The following TDRD12 variants were observed in gnomAD, a reference collection of about 807,000 sequenced individuals.
TDRD12 encodes the protein putative ATP-dependent RNA helicase TDRD12.
TDRD12 carries 158 observed loss-of-function variants against 133.5 expected under a neutral mutation model. The ratio of observed to expected loss-of-function variants is 1.18; its 90% CI spans 1.04 to 1.35. TDRD12 has a LOEUF of 1.35. TDRD12 is among the 40% of genes most tolerant of loss of function. TDRD12 has a pLI of 0.00. For synonymous variants in TDRD12, 460 were observed against 477.9 expected (o/e 0.96, Z 0.49); for missense variants, 1,443 against 1,321.3 (o/e 1.09, Z -1.43).
At chr19:32,727,599 T>C (rs1332273148) in intron 1 of TDRD12, among the ~76,000 whole-genome samples, 1 of 152,210 alleles carries the variant, frequency 6.6e-6, no homozygotes, top group Non-Finnish European at 1.5e-5. Flanking sequence ...AGGCCTTCCA[T>C]TTAGGTCTTT....
chr19:32,760,887 T>G (rs973518314), intron 8 of TDRD12, among the ~76,000 whole-genome samples: 1 of 152,212 alleles, frequency 6.6e-6, no homozygotes, highest in African/African-American at 2.4e-5. Context: ...CAAAGAACTT[T>G]TTTCCCAAAC....
In TDRD12 at chr19:32,826,710, C is replaced by G. The variant is rs1030482429; in HGVS notation, c.1049+112C>G. On this transcript the variant is annotated intron_variant, in intron 9 of 9. Transcript: ENST00000637289. ...CCCCAACGTGGCTTTTGATTTTGAT[C>G]ACTGGGAAGACTGTGAAGAGGACAG... 2.8e-5 allele frequency: 35 copies of G among 1,232,350 alleles called. No individual in the cohort carries two copies. The African/African-American group carries it at 3.7e-4, about 13-fold the overall frequency. The allele number at this position is 1,232,350 out of a possible 1,614,324, so 76.3% of individuals were successfully genotyped here. A position where few individuals can be genotyped will look rare whatever the true frequency, so the allele number is the denominator to read the frequency against.
rs571010526 is a variant in TDRD12 at position 32,803,600 on chromosome 19, C to T, written c.2552+458C>T. Reference sequence around the variant, plus strand: ...GCCATGTCTTTTGTGGAAATGTGTACGCATTTCTCTTGGGTAGACGCTCCA... The same window carrying T: ...GCCATGTCTTTTGTGGAAATGTGTATGCATTTCTCTTGGGTAGACGCTCCA... On this transcript the variant is annotated intron_variant, in intron 21 of 27. Coordinates refer to ENST00000444215, the Ensembl canonical transcript of TDRD12. Among the ~76,000 whole-genome samples the T allele has an allele frequency of 1.3e-4, 20 of 152,202 alleles. No homozygotes were observed. In the South Asian group the frequency reaches 1.5e-3, roughly 11 times the overall value.
chr19:32,794,885 T>G (rs1383664864), intron 14 of TDRD12, 72 bp downstream of exon 14: 1 of 652,484 alleles, frequency 1.5e-6, no homozygotes, highest in African/African-American at 1.8e-5. Flanking sequence ...CACCTCACCT[T>G]TGAGGAAGGT....
chr19:32,719,996 G>C (rs567459981), exon 1 of TDRD12: 13 of 1,515,818 alleles, frequency 8.6e-6, no homozygotes, highest in African/African-American at 1.4e-5. Flanking sequence ...TGGCCGGGGC[G>C]GACGCAGCCA....
intron 11 of TDRD12, among the ~76,000 whole-genome samples, chr19:32,786,869 C>T (rs1450776292): frequency 6.6e-6 from 1 of 152,168 alleles, no homozygotes; most frequent in African/African-American, 2.4e-5. Flanking sequence ...TGGGTTAGAA[C>T]ATGCTTCTTC....
At chr19:32,826,235 T>G, downstream of TDRD12, 4 of 1,482,032 alleles carry the variant, frequency 2.7e-6, no homozygotes, top group East Asian at 7.5e-5. Flanking sequence ...CAGGTCTTTC[T>G]TCTTCTAGCT....
At chr19:32,767,150 C>CGGA (rs774502291) in intron 8 of TDRD12, among the ~76,000 whole-genome samples, 2 of 147,390 alleles carry the variant, frequency 1.4e-5, no homozygotes, top group Non-Finnish European at 3.0e-5. Context: ...ATTTTTGAGA[C>CGGA]GGAGTTTTGC....
intron 9 of TDRD12, 26 bp downstream of exon 32, chr19:32,826,775 G>A (rs1967606769): frequency 5.7e-6 from 7 of 1,226,966 alleles, no homozygotes; most frequent in Non-Finnish European, 6.1e-6. Context: ...CCCACTCTCC[G>A]AGGGGTTGTA....
chr19:32,826,929 C>T (rs1242638885), intron 9 of TDRD12, among the ~76,000 whole-genome samples, 180 bp downstream of exon 32: 2 of 152,058 alleles, frequency 1.3e-5, no homozygotes, highest in African/African-American at 4.8e-5. Context: ...ACTTTTCAAC[C>T]CTTGGTGATA....
chr19:32,806,882 G>A (rs1179946209), intron 21 of TDRD12, among the ~76,000 whole-genome samples: 2 of 151,260 alleles, frequency 1.3e-5, no homozygotes, highest in Admixed American at 6.6e-5. Context: ...GGCTGGTCTC[G>A]AGCTCCTGAC....
intron 23 of TDRD12, among the ~76,000 whole-genome samples, 153 bp downstream of exon 23, chr19:32,810,430 T>C (rs543995755): frequency 6.6e-5 from 10 of 152,338 alleles, no homozygotes; most frequent in African/African-American, 2.4e-4. Context: ...TCCAGTTCTT[T>C]GTGGGAAACT....
intron 2 of TDRD12, among the ~76,000 whole-genome samples, chr19:32,733,763 C>T (rs954773112): frequency 1.3e-5 from 2 of 152,148 alleles, no homozygotes; most frequent in Non-Finnish European, 2.9e-5. Flanking sequence ...GGTTTTCTCT[C>T]ATTCCTTCTG....
rs976578426 is a variant in TDRD12 at position 32,746,346 on chromosome 19, CAG to C, written c.441-2125_441-2124del. 8.5e-4 allele frequency among the ~76,000 whole-genome samples: 29 copies of C among 34,004 alleles called. 1 individual carries two copies. Among genetic ancestry groups the C allele is most frequent in the Admixed American group, 1.8e-3 (5 of 2,786 alleles). The allele number at this position is 34,004 out of a possible 152,430, so 22.3% of individuals were successfully genotyped here. On this transcript the variant is annotated intron_variant, in intron 4 of 27. Transcript: ENST00000444215. ...GCTGATGTGGTTATTCTGTGTGTGACAGAGAGGGGGAGAGAGACTGGCTGATG... is the reference window on the plus strand; with the variant it reads ...GCTGATGTGGTTATTCTGTGTGTGACAGAGGGGGAGAGAGACTGGCTGATG...
downstream of TDRD12, chr19:32,829,432 A>G (rs1442301254): frequency 6.6e-6 from 1 of 152,232 alleles, no homozygotes; most frequent in Non-Finnish European, 1.5e-5. Context: ...ACTGCTATGA[A>G]TATGTCTGAT....
At chr19:32,723,931 T>TA (rs1335683937) in intron 1 of TDRD12, among the ~76,000 whole-genome samples, 5 of 152,134 alleles carry the variant, frequency 3.3e-5, no homozygotes, top group African/African-American at 9.7e-5. Flanking sequence ...AATCACAACT[T>TA]ACTGCAACCT....
chr19:32,742,724 G>C, intron 3 of TDRD12, 57 bp from the exon 4 acceptor site: 1 of 1,478,908 alleles, frequency 6.8e-7, no homozygotes, highest in Non-Finnish European at 9.1e-7. Flanking sequence ...ATACTTTAAC[G>C]GAGTATGTTA....
At chr19:32,744,675 C>T (rs1969547196) in intron 4 of TDRD12, among the ~76,000 whole-genome samples, 1 of 152,054 alleles carries the variant, frequency 6.6e-6, no homozygotes, top group African/African-American at 2.4e-5. Flanking sequence ...TGGGCAGTTC[C>T]CTCTCGGGTG....
intron 21 of TDRD12, 84 bp downstream of exon 21, chr19:32,803,226 G>A (rs1971452495): frequency 1.9e-6 from 2 of 1,066,274 alleles, no homozygotes; most frequent in Non-Finnish European, 2.6e-6. Flanking sequence ...GAATTGTCAT[G>A]TATCTAGAAG....
Sources: allele counts gnomAD v4.1 joint callset (sites outside exome capture counted in the v4.1 genomes callset), GRCh38; gene constraint gnomAD v4.1.1; transcripts MANE v1.5; gene names NCBI Gene and HGNC (gene_info 2026-07-23, HGNC 2026-07-21).